BBX: variants seen among roughly 807,000 people sequenced by gnomAD.
BBX encodes the protein BBX high mobility group box domain containing.
In BBX, 30 loss-of-function variants were observed where a neutral mutation model predicts 100.2. That is an observed-to-expected ratio of 0.30 (90% CI 0.22 to 0.41). BBX has a LOEUF of 0.41. Ranked by LOEUF, BBX falls within the 10% of genes least tolerant of loss-of-function variation. The probability of loss-of-function intolerance (pLI) is 1.00; values close to 1 mark genes in which losing one functional copy is unlikely to be tolerated. For missense variants in BBX, 1,023 were observed against 1,129.8 expected, an observed-to-expected ratio of 0.91 and a Z score of 1.35; for synonymous variants, 376 against 388.1, an observed-to-expected ratio of 0.97 and a Z score of 0.37.
Position 107,697,930 on chromosome 3 carries a change from G to T in BBX, c.-9-12522G>T, listed in dbSNP as rs546665495. On this transcript the variant is annotated intron_variant, in intron 3 of 17. Transcript: ENST00000325805. ...CATTTTTTAAGCTCGTCAGAAAAGC[G>T]CAGTATTCGGGTGGGAGTGACCCGA... Among the ~76,000 whole-genome samples, 159 of 152,084 alleles carry T rather than the reference G, an allele frequency of 1.0e-3. 4 individuals are homozygous for T. The South Asian group carries it at 0.031, about 30-fold the overall frequency.
Position 107,770,066 on chromosome 3 carries a change from C to A in BBX, c.907-2562C>A, listed in dbSNP as rs76481859. 1.4e-4 allele frequency among the ~76,000 whole-genome samples: 22 copies of A among 152,246 alleles called. No individual in the cohort carries two copies. The East Asian group carries it at 4.2e-3, about 29-fold the overall frequency. ...GAGGAAGTAAAGCATGACTAGTGTT[C>A]AGCGTAATTACCTACACAAGAAATA... On this transcript the variant is annotated intron_variant, in intron 10 of 17. Coordinates refer to ENST00000325805, the MANE Select transcript of BBX (RefSeq NM_001142568.3).
intron 2 of BBX, among the ~76,000 whole-genome samples, chr3:107,618,886 T>A (rs1217310285): frequency 6.6e-6 from 1 of 152,092 alleles, no homozygotes; most frequent in Non-Finnish European, 1.5e-5. Flanking sequence ...TTGGGTCAGA[T>A]GTTGTGTAAA....
intron 5 of BBX, among the ~76,000 whole-genome samples, chr3:107,717,257 A>G (rs575834639): frequency 8.3e-4 from 127 of 152,236 alleles, no homozygotes; most frequent in African/African-American, 2.9e-3. Flanking sequence ...TTGTCAGAGA[A>G]TGCCCATGGT....
chr3:107,598,728 A>G (rs2053840428), intron 2 of BBX, among the ~76,000 whole-genome samples: 1 of 152,188 alleles, frequency 6.6e-6, no homozygotes. Flanking sequence ...CAGTATTATA[A>G]CCTTTGCTAC....
At chr3:107,659,996 G>A (rs917633290) in intron 3 of BBX, among the ~76,000 whole-genome samples, 3 of 152,100 alleles carry the variant, frequency 2.0e-5, no homozygotes, top group Non-Finnish European at 2.9e-5. Flanking sequence ...TGAAGAGATA[G>A]TGAGTTTTCT....
chr3:107,724,250 A>G (rs1308713242), intron 5 of BBX, among the ~76,000 whole-genome samples: 1 of 151,710 alleles, frequency 6.6e-6, no homozygotes, highest in African/African-American at 2.4e-5. Context: ...CCACTTTTTG[A>G]TGGGGTTGTT....
chr3:107,571,688 T>C (rs1331110209), intron 2 of BBX, among the ~76,000 whole-genome samples: 2 of 152,252 alleles, frequency 1.3e-5, no homozygotes. Flanking sequence ...GGAGTCCTCC[T>C]GTCCCAGGTC....
chr3:107,774,064 A>G (rs949703537), intron 11 of BBX, among the ~76,000 whole-genome samples: 6 of 152,298 alleles, frequency 3.9e-5, no homozygotes, highest in Admixed American at 6.5e-5. Flanking sequence ...TAGGTAATCA[A>G]AGCTGTAACT....
chr3:107,563,356 A>G (rs922743682), intron 2 of BBX, among the ~76,000 whole-genome samples: 4 of 152,214 alleles, frequency 2.6e-5, no homozygotes, highest in African/African-American at 9.6e-5. Flanking sequence ...GCTACTTCCT[A>G]CCACAAGGAG....
At chr3:107,778,272 AC>A (rs1206418350) in intron 12 of BBX, 98 bp from the exon 13 acceptor site, 1 of 1,418,492 alleles carries the variant, frequency 7.0e-7, no homozygotes, top group Non-Finnish European at 9.8e-7. Flanking sequence ...ATTCCCAGAG[AC>A]CCTGTTTTCA....
chr3:107,760,828 T>C (rs1204127384), intron 10 of BBX, among the ~76,000 whole-genome samples: 1 of 152,254 alleles, frequency 6.6e-6, no homozygotes, highest in Non-Finnish European at 1.5e-5. Flanking sequence ...TATATTTTGT[T>C]GACCTATATC....
chr3:107,541,628 A>T (rs1363334581), intron 2 of BBX, among the ~76,000 whole-genome samples: 2 of 152,148 alleles, frequency 1.3e-5, no homozygotes, highest in African/African-American at 4.8e-5. Flanking sequence ...GGGATTTGTA[A>T]GTGAGATTTG....
At chr3:107,762,999 A>G (rs1003440381) in intron 10 of BBX, among the ~76,000 whole-genome samples, 1 of 152,204 alleles carries the variant, frequency 6.6e-6, no homozygotes, top group Non-Finnish European at 1.5e-5. Flanking sequence ...CAAATAGTGT[A>G]TAACATTACC....
intron 3 of BBX, among the ~76,000 whole-genome samples, chr3:107,697,589 G>T (rs1384183372): frequency 6.6e-6 from 1 of 151,886 alleles, no homozygotes; most frequent in Non-Finnish European, 1.5e-5. Flanking sequence ...GAGAACCGCT[G>T]CTCTCTTCAA....
At chr3:107,525,853 G>A (rs935108004) in intron 1 of BBX, among the ~76,000 whole-genome samples, 1 of 152,196 alleles carries the variant, frequency 6.6e-6, no homozygotes, top group African/African-American at 2.4e-5. Context: ...GAAAGGCTGA[G>A]GGCTTCGATA....
intron 4 of BBX, chr3:107,716,403 T>TAGGATACATCATATAGC (rs1576475347): frequency 3.3e-6 from 2 of 598,948 alleles, no homozygotes; most frequent in East Asian, 5.9e-5. Context: ...CAGGTTGCTA[T>TAGGATACATCATATAGC]AGAAACTAAG....
intron 2 of BBX, among the ~76,000 whole-genome samples, chr3:107,614,708 G>A (rs2055121955): frequency 6.6e-6 from 1 of 152,042 alleles, no homozygotes; most frequent in Non-Finnish European, 1.5e-5. Flanking sequence ...TTGTTATACT[G>A]TATTTTTTAT....
intron 3 of BBX, among the ~76,000 whole-genome samples, chr3:107,683,716 G>C (rs2059689320): frequency 6.6e-6 from 1 of 152,154 alleles, no homozygotes; most frequent in African/African-American, 2.4e-5. Context: ...TTTGGCGTTA[G>C]AGGTCACATT....
intron 1 of BBX, chr3:107,523,709 G>A (rs1266422454): frequency 6.6e-6 from 1 of 152,496 alleles, no homozygotes; most frequent in Non-Finnish European, 1.5e-5. Context: ...GGGAGCAGGG[G>A]CAGTGGAGGA....
Sources: allele counts gnomAD v4.1 joint callset (sites outside exome capture counted in the v4.1 genomes callset), GRCh38; gene constraint gnomAD v4.1.1; transcripts MANE v1.5; gene names NCBI Gene and HGNC (gene_info 2026-07-23, HGNC 2026-07-21).